Variants in CABP1 observed in about 807,000 individuals in gnomAD.
The protein encoded by CABP1 is calcium binding protein 1.
A neutral mutation model predicts 34.3 loss-of-function variants in CABP1; 17 were observed. The ratio of observed to expected loss-of-function variants is 0.50; its 90% CI spans 0.34 to 0.74. The LOEUF (loss-of-function observed/expected upper bound fraction) is 0.74, where lower values mean the gene tolerates loss of function less well. CABP1 is among the 30% of genes least tolerant of loss of function. The pLI, the probability that CABP1 is intolerant of heterozygous loss-of-function variation, is 0.01. For synonymous variants in CABP1, 198 were observed against 229.2 expected, an observed-to-expected ratio of 0.86 and a Z score of 1.23; for missense variants, 373 against 511.1, an observed-to-expected ratio of 0.73 and a Z score of 2.61.
intron 1 of CABP1, among the ~76,000 whole-genome samples, chr12:120,653,967 G>A (rs576415887): frequency 6.6e-6 from 1 of 152,318 alleles, no homozygotes; most frequent in East Asian, 1.9e-4. Flanking sequence ...CTGGTTCCTG[G>A]GGTTCGGCCA....
chr12:120,667,300 C>A lies in CABP1; in HGVS notation c.*400C>A. The A allele has an allele frequency of 3.6e-6, 1 of 280,450 alleles. No homozygotes were observed. Among genetic ancestry groups the A allele is most frequent in the South Asian group, 6.2e-5 (1 of 16,122 alleles). 17.4% of individuals were successfully genotyped at this position (280,450 alleles called of 1,614,324 possible). ...TCGCCTCAGCCCTGTTATCTCAGAA[C>A]CAATAAAAATATTTCCAAGAGCAAG... On this transcript the variant is annotated 3_prime_UTR_variant, in exon 6 of 6. Coordinates refer to ENST00000316803, the MANE Select transcript of CABP1 (RefSeq NM_001033677.2).
chr12:120,646,798 C>T (rs1484849464), intron 1 of CABP1, among the ~76,000 whole-genome samples: 1 of 152,210 alleles, frequency 6.6e-6, no homozygotes, highest in Non-Finnish European at 1.5e-5. Context: ...CAGGCATAAG[C>T]CGCCATACCC....
At chr12:120,657,812 G>T (rs1880337072) in intron 1 of CABP1, among the ~76,000 whole-genome samples, 1 of 152,200 alleles carries the variant, frequency 6.6e-6, no homozygotes. Flanking sequence ...AGCAATGCCT[G>T]TTCCTCCCGA....
downstream of CABP1, among the ~76,000 whole-genome samples, chr12:120,670,070 A>G (rs987014603): frequency 1.3e-5 from 2 of 152,014 alleles, no homozygotes; most frequent in African/African-American, 2.4e-5. Context: ...TGGTGGGATC[A>G]TAGCTCACTG....
chr12:120,670,168 AT>A (rs138333476), downstream of CABP1, among the ~76,000 whole-genome samples: 3 of 151,378 alleles, frequency 2.0e-5, no homozygotes, highest in Non-Finnish European at 2.9e-5. Flanking sequence ...TGATTTTTAA[AT>A]TTTTTTTGTA....
chr12:120,659,945 C>T, intron 2 of CABP1, 37 bp downstream of exon 2: 1 of 1,604,584 alleles, frequency 6.2e-7, no homozygotes, highest in Non-Finnish European at 8.5e-7. Flanking sequence ...GACTGCCTAG[C>T]CCTCTAGGAA....
downstream of CABP1, among the ~76,000 whole-genome samples, chr12:120,670,965 A>C (rs1881231508): frequency 6.6e-6 from 1 of 152,196 alleles, no homozygotes; most frequent in African/African-American, 2.4e-5. Context: ...AGAGAAATGT[A>C]ATCTAGTGGC....
chr12:120,640,678 G>T lies in CABP1; in HGVS notation c.-8G>T. 1.7e-6 allele frequency: 2 copies of T among 1,181,060 alleles called. No homozygotes were observed. The highest frequency in any genetic ancestry group is 2.1e-6 in the Non-Finnish European group (2 of 955,066). The allele number at this position is 1,181,060 out of a possible 1,614,324, so 73.2% of individuals were successfully genotyped here. A position where few individuals can be genotyped will look rare whatever the true frequency, so the allele number is the denominator to read the frequency against. ...TCCGGGCTCCGGGCGTAGAGGCTGCGCTGTCACATGGGCGGCGGCGACGGG... is the reference window on the plus strand; with the variant it reads ...TCCGGGCTCCGGGCGTAGAGGCTGCTCTGTCACATGGGCGGCGGCGACGGG... On this transcript the variant is annotated 5_prime_UTR_variant, in exon 1 of 6. Coordinates refer to ENST00000316803, the MANE Select transcript of CABP1 (RefSeq NM_001033677.2). This position sits in a 1 kb window ranked among gnomAD's most constrained non-coding sequence, Gnocchi z 6.2.
chr12:120,676,654 C>T, the CABP1 span, among the ~76,000 whole-genome samples: 8 of 152,230 alleles, frequency 5.3e-5, no homozygotes, highest in East Asian at 7.7e-4. Flanking sequence ...CTTGAACTCC[C>T]GACTTCAGGT....
At chr12:120,655,826 C>A (rs1289125467) in intron 1 of CABP1, 1 of 1,417,498 alleles carries the variant, frequency 7.1e-7, no homozygotes. Context: ...CCAGTGCGTG[C>A]GTGCGTGTGT....
chr12:120,670,776 GAA>G (rs1200009150), downstream of CABP1, among the ~76,000 whole-genome samples: 1 of 152,074 alleles, frequency 6.6e-6, no homozygotes, highest in East Asian at 1.9e-4. Context: ...CTCTTTGTCT[GAA>G]AGCTCTTTTA....
At chr12:120,676,030 C>T in the CABP1 span, among the ~76,000 whole-genome samples, 4 of 152,184 alleles carry the variant, frequency 2.6e-5, no homozygotes, top group South Asian at 2.1e-4. Context: ...GAACTGAGAT[C>T]GAACCACTGC....
In CABP1 at chr12:120,641,134, C is replaced by T. The variant is rs1879299607; in HGVS notation, c.449C>T (p.Pro150Leu). ...QAHCRPREAL[P>L]AAASRPSPSS... ...CACTGCAGGCCCCGGGAGGCGCTGC[C>T]GGCCGCGGCGTCCCGACCTTCGCCG... The change falls in exon 1 of 6, where the codon CCG (proline) becomes CTG (leucine). Residue 150 changes from proline (P) to leucine (L), a missense_variant. Pro to Leu is a moderately conservative substitution (Grantham distance 98). Around this residue, in one of 4 missense-constraint regions of CABP1, gnomAD observed 121 missense variants for 125.5 expected, o/e 0.96. Coordinates refer to ENST00000316803, the MANE Select transcript of CABP1 (RefSeq NM_001033677.2). This position sits in a 1 kb window ranked among gnomAD's most constrained non-coding sequence, Gnocchi z 6.7. The T allele has an allele frequency of 3.2e-6, 4 of 1,231,990 alleles. No homozygotes were observed. The highest frequency in any genetic ancestry group is 4.0e-6 in the Non-Finnish European group (4 of 989,732). The allele number at this position is 1,231,990 out of a possible 1,614,324, so 76.3% of individuals were successfully genotyped here. A position where few individuals can be genotyped will look rare whatever the true frequency, so the allele number is the denominator to read the frequency against.
chr12:120,640,767 C>T lies in CABP1; in HGVS notation c.82C>T (p.Arg28Trp). 11 of 1,155,666 alleles carry T rather than the reference C, an allele frequency of 9.5e-6. No homozygotes were observed. Among genetic ancestry groups the T allele is most frequent in the Non-Finnish European group, 1.2e-5 (11 of 939,704 alleles). The allele number at this position is 1,155,666 out of a possible 1,614,324, so 71.6% of individuals were successfully genotyped here. ...GCGCGTCCTCGGGCTTGGCTCCCGC[C>T]GGGAGCCCCGTTCTCTGCCCGCCGG... ...LQRVLGLGSR[R>W]EPRSLPAGGP... The change falls in exon 1 of 6, where the codon CGG becomes TGG. Residue 28 changes from arginine to tryptophan, a missense_variant. By Grantham distance (101) the Arg-to-Trp change is moderately radical (BLOSUM62 -3). Transcript: ENST00000316803. This position sits in a 1 kb window ranked among gnomAD's most constrained non-coding sequence, Gnocchi z 6.2.
chr12:120,646,679 A>G (rs912079893), intron 1 of CABP1, among the ~76,000 whole-genome samples: 1 of 151,996 alleles, frequency 6.6e-6, no homozygotes, highest in African/African-American at 2.4e-5. Context: ...TGCCTGGCTA[A>G]TTTTAAAATT....
At chr12:120,655,624 A>C in intron 1 of CABP1, 1 of 1,388,032 alleles carries the variant, frequency 7.2e-7, no homozygotes, top group African/African-American at 1.4e-5. Context: ...GGAGTAGGAC[A>C]AGTCTGTTTG....
At chr12:120,668,844 C>A (rs1881145664), downstream of CABP1, among the ~76,000 whole-genome samples, 1 of 152,174 alleles carries the variant, frequency 6.6e-6, no homozygotes, top group South Asian at 2.1e-4. Context: ...GGCCGGTGTA[C>A]CTCAAGCCAT....
At position 120,660,851 on chromosome 12, in the gene CABP1, GAGGC is replaced by G. The variant is rs1238206862; in HGVS notation, c.939+21_939+24del. The G allele has an allele frequency of 1.9e-6, 3 of 1,589,566 alleles. No homozygotes were observed. The highest frequency in any genetic ancestry group is 1.7e-5 in the Admixed American group (1 of 59,954). Reference sequence around the variant, plus strand: ...GATGCTTTCCGAGAGGTAACGGACAGAGGCAGGCAGGCATGGGGCGGCTATTGGA... The same window carrying G: ...GATGCTTTCCGAGAGGTAACGGACAGAGGCAGGCATGGGGCGGCTATTGGA... On this transcript the variant is annotated intron_variant, in intron 4 of 5. Transcript: ENST00000316803. The surrounding 1 kb of genome is among the most constrained non-coding windows in gnomAD (Gnocchi z 5.0).
Position 120,660,136 on chromosome 12 carries a change from G to A in CABP1, c.686-60G>A, listed in dbSNP as rs1880533826. ...GCCGGTGGGCCTTTGGGCTGCCTTTGCCCACAGAGGCTCTGCGGGTCCTAC... is the reference window on the plus strand; with the variant it reads ...GCCGGTGGGCCTTTGGGCTGCCTTTACCCACAGAGGCTCTGCGGGTCCTAC... On this transcript the variant is annotated intron_variant, in intron 2 of 5. Transcript: ENST00000316803. The surrounding 1 kb of genome is among the most constrained non-coding windows in gnomAD (Gnocchi z 5.0). 13 of 1,598,726 alleles carry A rather than the reference G, an allele frequency of 8.1e-6. No individual in the cohort carries two copies. The highest frequency in any genetic ancestry group is 8.5e-6 in the Non-Finnish European group (10 of 1,170,748).
Sources: allele counts gnomAD v4.1 joint callset (sites outside exome capture counted in the v4.1 genomes callset), GRCh38; gene constraint gnomAD v4.1.1; regional missense constraint gnomAD v4.1.1; non-coding constraint Gnocchi (gnomAD v3.1); transcripts MANE v1.5; gene names NCBI Gene and HGNC (gene_info 2026-07-23, HGNC 2026-07-21).